The following PARP11 variants were observed in gnomAD, a reference collection of about 807,000 sequenced individuals.
PARP11 encodes the protein protein mono-ADP-ribosyltransferase PARP11.
PARP11 carries 31 observed loss-of-function variants against 42.9 expected under a neutral mutation model. That is an observed-to-expected ratio of 0.72 (90% CI 0.54 to 0.98). The LOEUF (loss-of-function observed/expected upper bound fraction) is 0.98, where lower values mean the gene tolerates loss of function less well. PARP11 is among the 50% of genes least tolerant of loss of function. The pLI, the probability that PARP11 is intolerant of heterozygous loss-of-function variation, is 0.00. For synonymous variants in PARP11, 137 were observed against 127.3 expected (o/e 1.08, Z -0.51); for missense variants, 365 against 413.1 (o/e 0.88, Z 1.01).
intron 1 of PARP11, among the ~76,000 whole-genome samples, chr12:3,868,330 C>T (rs1320477324): frequency 6.6e-6 from 1 of 151,946 alleles, no homozygotes; most frequent in Non-Finnish European, 1.5e-5. Context: ...TGTAGTGGTG[C>T]ACATGTGTAG....
At chr12:3,821,825 T>C in intron 6 of PARP11, 48 bp downstream of exon 6, 1 of 1,555,904 alleles carries the variant, frequency 6.4e-7, no homozygotes, top group Non-Finnish European at 8.7e-7. Flanking sequence ...GTTTTAACCA[T>C]AAAAGACATA....
At chr12:3,860,499 C>T (rs1948277435) in intron 1 of PARP11, among the ~76,000 whole-genome samples, 1 of 152,200 alleles carries the variant, frequency 6.6e-6, no homozygotes, top group Non-Finnish European at 1.5e-5. Flanking sequence ...GAAGGCAGCA[C>T]TTCCACTTCT....
intron 3 of PARP11, 132 bp downstream of exon 3, chr12:3,828,778 G>A (rs1245183391): frequency 9.9e-6 from 7 of 703,982 alleles, no homozygotes; most frequent in Admixed American, 3.0e-5. Flanking sequence ...TTTTATAGAG[G>A]TATTTTTGTA....
chr12:3,868,321 G>A (rs1464042926), intron 1 of PARP11, among the ~76,000 whole-genome samples: 1 of 152,074 alleles, frequency 6.6e-6, no homozygotes, highest in African/African-American at 2.4e-5. Flanking sequence ...TTAGCCAGGT[G>A]TAGTGGTGCA....
chr12:3,849,813 G>C (rs1442151623), intron 1 of PARP11, among the ~76,000 whole-genome samples: 3 of 152,144 alleles, frequency 2.0e-5, no homozygotes, highest in Non-Finnish European at 4.4e-5. Flanking sequence ...ATAGCTAGAA[G>C]GGAATAGTTT....
chr12:3,854,797 T>C (rs538724630), intron 1 of PARP11, among the ~76,000 whole-genome samples: 3 of 152,206 alleles, frequency 2.0e-5, no homozygotes, highest in African/African-American at 7.2e-5. Context: ...AGCATCACCC[T>C]GATACCAAAG....
intron 1 of PARP11, chr12:3,839,483 A>ATGT: frequency 6.2e-7 from 1 of 1,612,148 alleles, no homozygotes; most frequent in Non-Finnish European, 8.5e-7. Context: ...CAGTCTCGCC[A>ATGT]TGTTGAAGTC....
At position 3,814,038 on chromosome 12, in the gene PARP11, T is replaced by C. The variant is rs1308388285; in HGVS notation, c.699A>G (p.Lys233=). 1.3e-5 allele frequency: 20 copies of C among 1,544,662 alleles called. No homozygotes were observed. Among genetic ancestry groups the C allele is most frequent in the Non-Finnish European group, 1.6e-5 (18 of 1,137,560 alleles). The change falls in exon 7 of 8, where the codon AAA becomes AAG. Residue 233 remains lysine, a splice_region_variant and synonymous_variant. Coordinates refer to ENST00000228820, the MANE Select transcript of PARP11 (RefSeq NM_020367.6). The stretch of plus-strand genomic sequence containing the variant: ...TGGACCTGGAATTCTGATAATTACC[T>C]TTTCCAAAGACAGCACCATGTATAC... ...INGIHGAVFG[K]GTYFARDAAY...
chr12:3,863,800 C>G (rs1170240813), intron 1 of PARP11: 2 of 152,192 alleles, frequency 1.3e-5, no homozygotes, highest in Non-Finnish European at 1.5e-5. Flanking sequence ...TACTGGGTAT[C>G]AGTCATGTAA....
Position 3,840,621 on chromosome 12 carries a change from CT to C in PARP11, c.19-10604del. ...CAAGTCGAGAATCTAACTATTGCTA[CT>C]TCTCAGAGTAGCAATCCATGTGTCC... On this transcript the variant is annotated intron_variant, in intron 1 of 7. Coordinates refer to ENST00000228820, the MANE Select transcript of PARP11 (RefSeq NM_020367.6). This position sits in a 1 kb window ranked among gnomAD's most constrained non-coding sequence, Gnocchi z 4.4. 2.4e-6 allele frequency: 3 copies of C among 1,266,290 alleles called. No individual in the cohort carries two copies. The highest frequency in any genetic ancestry group is 3.5e-6 in the Non-Finnish European group (3 of 862,768). The allele number at this position is 1,266,290 out of a possible 1,614,324, so 78.4% of individuals were successfully genotyped here.
intron 6 of PARP11, among the ~76,000 whole-genome samples, chr12:3,818,092 C>T (rs1947327317): frequency 1.3e-5 from 2 of 152,214 alleles, no homozygotes; most frequent in South Asian, 4.1e-4. Context: ...AAGTACATTA[C>T]ATAACATGGT....
chr12:3,840,082 T>C lies in PARP11; in HGVS notation c.19-10064A>G. The C allele has an allele frequency of 1.2e-6, 2 of 1,609,186 alleles. No individual in the cohort carries two copies. On this transcript the variant is annotated intron_variant, in intron 1 of 7. Transcript: ENST00000228820. The surrounding 1 kb of genome is among the most constrained non-coding windows in gnomAD (Gnocchi z 4.4). ...TCCTGCAGTCTATAGAAATGTGGAATATGAAATTTGGCTGGAGTCTAAACA... is the reference window on the plus strand; with the variant it reads ...TCCTGCAGTCTATAGAAATGTGGAACATGAAATTTGGCTGGAGTCTAAACA...
chr12:3,816,904 AAAG>A (rs1947298842), intron 6 of PARP11, among the ~76,000 whole-genome samples: 1 of 152,162 alleles, frequency 6.6e-6, no homozygotes, highest in Non-Finnish European at 1.5e-5. Flanking sequence ...TCCATCTCAA[AAAG>A]AAGGCCAGGC....
intron 6 of PARP11, among the ~76,000 whole-genome samples, chr12:3,818,486 T>C (rs1483313858): frequency 6.6e-6 from 1 of 152,218 alleles, no homozygotes. Context: ...TTTCTCTAAG[T>C]CTTTTAAATT....
chr12:3,833,027 T>C (rs1004732608), intron 1 of PARP11, among the ~76,000 whole-genome samples: 5 of 152,102 alleles, frequency 3.3e-5, no homozygotes, highest in African/African-American at 1.2e-4. Flanking sequence ...GTGTGGAAAA[T>C]GAGTTTAAAG....
At chr12:3,851,736 T>C (rs1056328291) in intron 1 of PARP11, among the ~76,000 whole-genome samples, 1 of 152,240 alleles carries the variant, frequency 6.6e-6, no homozygotes, top group African/African-American at 2.4e-5. Flanking sequence ...TGTCCGTGTC[T>C]GACAGCTCAG....
At chr12:3,842,393 A>G in intron 1 of PARP11, 1 of 1,611,080 alleles carries the variant, frequency 6.2e-7, no homozygotes, top group Admixed American at 1.7e-5. Context: ...GAGTCCTGGA[A>G]AGGACAGCCA....
At chr12:3,865,874 A>C (rs1293329272) in intron 1 of PARP11, among the ~76,000 whole-genome samples, 1 of 139,614 alleles carries the variant, frequency 7.2e-6, no homozygotes, top group Non-Finnish European at 1.5e-5. Context: ...CTTTAAGTTT[A>C]CGTCTTGTTA....
intron 1 of PARP11, among the ~76,000 whole-genome samples, chr12:3,847,050 C>G (rs1286152801): frequency 6.6e-6 from 1 of 151,962 alleles, no homozygotes; most frequent in Non-Finnish European, 1.5e-5. Context: ...GCACTCCAGC[C>G]TGGTCAACAG....
Sources: gnomAD v4.1 joint callset for allele counts (sites outside exome capture counted in the v4.1 genomes callset) on GRCh38, gnomAD v4.1.1 for gene constraint, Gnocchi (gnomAD v3.1) non-coding constraint, MANE v1.5 for transcripts, NCBI Gene and HGNC (gene_info 2026-07-23, HGNC 2026-07-21) for gene names.